The following TNFSF12 variants were observed in gnomAD, a reference collection of about 807,000 sequenced individuals.
TNFSF12 encodes TNF superfamily member 12.
A neutral mutation model predicts 31.2 loss-of-function variants in TNFSF12; 16 were observed. That is an observed-to-expected ratio of 0.51 (90% CI 0.35 to 0.78). TNFSF12 has a LOEUF of 0.78. TNFSF12 is among the 30% of genes least tolerant of loss of function. The probability of loss-of-function intolerance (pLI) is 0.01; values close to 1 mark genes in which losing one functional copy is unlikely to be tolerated. For missense variants in TNFSF12, 324 were observed against 338.8 expected (o/e 0.96, Z 0.34); for synonymous variants, 150 against 151.4 (o/e 0.99, Z 0.07).
At position 7,557,611 on chromosome 17, in the gene TNFSF12, C is replaced by A. The variant is rs1037023254; in HGVS notation, c.*261C>A. ...GACCCTTTGAGGCCCCCAGTGATCT[C>A]GACTCCCCCCTGGCCACAGACCCCC... On this transcript the variant is annotated 3_prime_UTR_variant, in exon 7 of 7. Transcript: ENST00000293825. The surrounding 1 kb of genome is among the most constrained non-coding windows in gnomAD (Gnocchi z 5.2). 1.2e-5 allele frequency: 6 copies of A among 489,740 alleles called. No individual in the cohort carries two copies. The highest frequency in any genetic ancestry group is 2.2e-5 in the Non-Finnish European group (6 of 278,766). The allele number at this position is 489,740 out of a possible 1,614,324, so 30.3% of individuals were successfully genotyped here.
chr17:7,553,694 C>T (rs777552721), intron 5 of TNFSF12: 18 of 1,301,106 alleles, frequency 1.4e-5, no homozygotes, highest in Non-Finnish European at 1.6e-5. Context: ...GCATGAAAGG[C>T]GAGGTGGCTG....
At position 7,550,542 on chromosome 17, in the gene TNFSF12, C is replaced by T. The variant is rs1289468858; in HGVS notation, c.284-257C>T. Among the ~76,000 whole-genome samples the T allele has an allele frequency of 6.6e-6, 1 of 151,404 alleles. No homozygotes were observed. Among genetic ancestry groups the T allele is most frequent in the Non-Finnish European group, 1.5e-5 (1 of 67,880 alleles). On this transcript the variant is annotated intron_variant, in intron 3 of 6. Coordinates refer to ENST00000293825, the MANE Select transcript of TNFSF12 (RefSeq NM_003809.3). The surrounding 1 kb of genome is among the most constrained non-coding windows in gnomAD (Gnocchi z 4.4). ...ATGACCACGTGTCCAAGTCGGCATG[C>T]AGTTGTCCTGGCCCCCACCTGTTAT...
rs756671729 is a variant in TNFSF12 at position 7,549,262 on chromosome 17, C to T, written c.109C>T (p.Leu37Phe). The change falls in exon 1 of 7, where the codon CTC becomes TTC. Residue 37 changes from leucine (L) to phenylalanine (F), a missense_variant. Physicochemically the swap from Leu to Phe is conservative, Grantham distance 22. Coordinates refer to ENST00000293825, the MANE Select transcript of TNFSF12 (RefSeq NM_003809.3). This position sits in a 1 kb window ranked among gnomAD's most constrained non-coding sequence, Gnocchi z 4.1. ...GLGLALACLGLLLAVVSLGSR... is the reference protein window; with the variant it reads ...GLGLALACLGFLLAVVSLGSR... ...GGGCCTGGCGCTGGCCTGCCTCGGC[C>T]TCCTGCTGGCCGTGGTCAGTTTGGG... The T allele has an allele frequency of 1.3e-5, 18 of 1,399,868 alleles. No homozygotes were observed. In the African/African-American group the frequency reaches 2.0e-4, roughly 15 times the overall value. The allele number at this position is 1,399,868 out of a possible 1,614,324, so 86.7% of individuals were successfully genotyped here. A position where few individuals can be genotyped will look rare whatever the true frequency, so the allele number is the denominator to read the frequency against.
Position 7,550,001 on chromosome 17 carries a change from G to T in TNFSF12, c.208-119G>T, listed in dbSNP as rs1406113456. 1.3e-6 allele frequency: 2 copies of T among 1,525,636 alleles called. No individual in the cohort carries two copies. The highest frequency in any genetic ancestry group is 2.0e-4 in the Middle Eastern group (1 of 5,090). The allele number at this position is 1,525,636 out of a possible 1,614,324, so 94.5% of individuals were successfully genotyped here. A position where few individuals can be genotyped will look rare whatever the true frequency, so the allele number is the denominator to read the frequency against. ...GGCCCCAGCTGTAGTTGGCTGAGGG[G>T]CTTAATCTGTCCCTGACTTCTGTGT... is the stretch of plus-strand genomic sequence containing the variant. On this transcript the variant is annotated intron_variant, in intron 2 of 6. Transcript: ENST00000293825. The surrounding 1 kb of genome is among the most constrained non-coding windows in gnomAD (Gnocchi z 4.4).
At position 7,550,137 on chromosome 17, in the gene TNFSF12, A is replaced by G; in HGVS notation, c.225A>G (p.Thr75=). 1 of 1,614,106 alleles carries G rather than the reference A, an allele frequency of 6.2e-7. No homozygotes were observed. Among genetic ancestry groups the G allele is most frequent in the East Asian group, 2.2e-5 (1 of 44,882 alleles). ...TCCCCTAGGAACTGAATCCCCAGACAGAAGAAAGCCAGGATCCTGCGCCTT... is the reference window on the plus strand; with the variant it reads ...TCCCCTAGGAACTGAATCCCCAGACGGAAGAAAGCCAGGATCCTGCGCCTT... ...DQDPSELNPQ[T]EESQDPAPFL... is the part of the protein sequence containing the mutation. The change falls in exon 3 of 7, where the codon ACA becomes ACG. Residue 75 remains threonine, a synonymous_variant. Coordinates refer to ENST00000293825, the MANE Select transcript of TNFSF12 (RefSeq NM_003809.3). The surrounding 1 kb of genome is among the most constrained non-coding windows in gnomAD (Gnocchi z 4.4).
chr17:7,550,474 C>T lies in TNFSF12; in HGVS notation c.283+279C>T, dbSNP rs757605591. Among the ~76,000 whole-genome samples the T allele has an allele frequency of 2.2e-4, 34 of 151,932 alleles. No homozygotes were observed. The highest frequency in any genetic ancestry group is 6.0e-4 in the African/African-American group (25 of 41,368). On this transcript the variant is annotated intron_variant, in intron 3 of 6. Coordinates refer to ENST00000293825, the MANE Select transcript of TNFSF12 (RefSeq NM_003809.3). The surrounding 1 kb of genome is among the most constrained non-coding windows in gnomAD (Gnocchi z 4.4). ...GCCTGGCAGTCAGAGGCCTGGGCCC[C>T]GGTAGGCAAAGAGACTTAGGAATGG...
rs1260707620 is a variant in TNFSF12, at chr17:7,550,706, C to T, written c.284-93C>T. 2.0e-5 allele frequency: 30 copies of T among 1,534,392 alleles called. No individual in the cohort carries two copies. The highest frequency in any genetic ancestry group is 2.5e-5 in the Non-Finnish European group (28 of 1,129,952). On this transcript the variant is annotated intron_variant, in intron 3 of 6. Transcript: ENST00000293825. The surrounding 1 kb of genome is among the most constrained non-coding windows in gnomAD (Gnocchi z 4.4). Reference sequence around the variant, plus strand: ...AGGAGTCTGGACAAGAATAAGGATGCCAGGGTTCCTGAGAGGGGAATGGGG... The same window carrying T: ...AGGAGTCTGGACAAGAATAAGGATGTCAGGGTTCCTGAGAGGGGAATGGGG...
chr17:7,554,269 G>A (rs2150906934), intron 5 of TNFSF12, among the ~76,000 whole-genome samples: 1 of 151,574 alleles, frequency 6.6e-6, no homozygotes, highest in African/African-American at 2.4e-5. Context: ...GTTTGCTAGG[G>A]GCCAGGCTAG....
chr17:7,553,650 C>T (rs1056454066), intron 5 of TNFSF12: 9 of 1,304,038 alleles, frequency 6.9e-6, no homozygotes, highest in Admixed American at 6.9e-5. Context: ...GATTTGAACC[C>T]AGCTAGAATG....
At position 7,550,859 on chromosome 17, in the gene TNFSF12, G is replaced by A; in HGVS notation, c.337+7G>A. On this transcript the variant is annotated splice_region_variant and intron_variant, in intron 4 of 6. Transcript: ENST00000293825. This position sits in a 1 kb window ranked among gnomAD's most constrained non-coding sequence, Gnocchi z 4.4. Reference sequence around the variant, plus strand: ...ATCGCAGCCCATTATGAAGGTGGGTGATGGGTGAGCCATACCCAGGAGGAG... The same window carrying A: ...ATCGCAGCCCATTATGAAGGTGGGTAATGGGTGAGCCATACCCAGGAGGAG... 3 of 1,613,196 alleles carry A rather than the reference G, an allele frequency of 1.9e-6. No homozygotes were observed. The highest frequency in any genetic ancestry group is 1.7e-4 in the Middle Eastern group (1 of 6,056).
intron 5 of TNFSF12, among the ~76,000 whole-genome samples, chr17:7,556,369 T>C (rs2071066207): frequency 6.6e-6 from 1 of 152,228 alleles, no homozygotes; most frequent in Non-Finnish European, 1.5e-5. Flanking sequence ...ATTATATGGA[T>C]AGACATTTTG....
chr17:7,549,258 C>T lies in TNFSF12; in HGVS notation c.105C>T (p.Leu35=), dbSNP rs908438555. 1.1e-5 allele frequency: 15 copies of T among 1,398,530 alleles called. No homozygotes were observed. Among genetic ancestry groups the T allele is most frequent in the South Asian group, 1.6e-5 (1 of 63,618 alleles). 86.6% of individuals were successfully genotyped at this position (1,398,530 alleles called of 1,614,324 possible). The change falls in exon 1 of 7, where the codon CTC becomes CTT. Residue 35 remains leucine (L), a synonymous_variant. Coordinates refer to ENST00000293825, the MANE Select transcript of TNFSF12 (RefSeq NM_003809.3). This position sits in a 1 kb window ranked among gnomAD's most constrained non-coding sequence, Gnocchi z 4.1. ...ALGLGLALAC[L]GLLLAVVSLG... is the part of the protein sequence containing the mutation. ...GCCTGGGCCTGGCGCTGGCCTGCCT[C>T]GGCCTCCTGCTGGCCGTGGTCAGTT...
At chr17:7,555,079 G>A (rs927794928) in intron 5 of TNFSF12, among the ~76,000 whole-genome samples, 54 of 151,906 alleles carry the variant, frequency 3.6e-4, no homozygotes, top group Non-Finnish European at 5.9e-4. Context: ...CCCGGGAGGC[G>A]GAGGCTGCAG....
chr17:7,553,223 A>G (rs1026125054), intron 5 of TNFSF12, among the ~76,000 whole-genome samples: 4 of 151,314 alleles, frequency 2.6e-5, no homozygotes, highest in African/African-American at 9.8e-5. Context: ...CTAATTTTGT[A>G]TTTTTAGTAG....
chr17:7,556,534 C>A (rs1282630162), intron 5 of TNFSF12, among the ~76,000 whole-genome samples: 2 of 152,200 alleles, frequency 1.3e-5, no homozygotes, highest in African/African-American at 4.8e-5. Context: ...CTACTCTTCT[C>A]CCCAGAAGTG....
chr17:7,549,098 G>T lies in TNFSF12; in HGVS notation c.-56G>T. ...TCCGCCCGCCGGCTCCCCCTCCCCC[G>T]ATCCCTCGGGTCCCGGGATGGGGGG... On this transcript the variant is annotated 5_prime_UTR_variant, in exon 1 of 7. Coordinates refer to ENST00000293825, the MANE Select transcript of TNFSF12 (RefSeq NM_003809.3). This position sits in a 1 kb window ranked among gnomAD's most constrained non-coding sequence, Gnocchi z 4.1. The T allele has an allele frequency of 9.6e-7, 1 of 1,045,830 alleles. No individual in the cohort carries two copies. Among genetic ancestry groups the T allele is most frequent in the Non-Finnish European group, 1.1e-6 (1 of 870,588 alleles). 64.8% of individuals were successfully genotyped at this position (1,045,830 alleles called of 1,614,324 possible). A position where few individuals can be genotyped will look rare whatever the true frequency, so the allele number is the denominator to read the frequency against.
chr17:7,554,769 C>T (rs1462498894), intron 5 of TNFSF12, among the ~76,000 whole-genome samples: 1 of 132,858 alleles, frequency 7.5e-6, no homozygotes, highest in Admixed American at 7.6e-5. Context: ...CGCCTGCCAC[C>T]ACGCCTGGCT....
Position 7,550,799 on chromosome 17 carries a change from C to A in TNFSF12, c.284C>A (p.Ala95Glu), listed in dbSNP as rs1187061850. The change falls in exon 4 of 7, where the codon GCA becomes GAA. Residue 95 changes from alanine to glutamate, a missense_variant and splice_region_variant. By Grantham distance (107) the Ala-to-Glu change is moderately radical. Transcript: ENST00000293825. This position sits in a 1 kb window ranked among gnomAD's most constrained non-coding sequence, Gnocchi z 4.4. ...TCATCTGTCTTTCCTTGATCCTCAG[C>A]ACCTAAAGGCCGGAAAACACGGGCT... ...LNRLVRPRRSAPKGRKTRARR... is the reference protein window; with the variant it reads ...LNRLVRPRRSEPKGRKTRARR... 2.5e-6 allele frequency: 4 copies of A among 1,609,772 alleles called. No individual in the cohort carries two copies. In the Admixed American group the frequency reaches 5.0e-5, roughly 20 times the overall value.
rs1390303105 is a variant in TNFSF12, at chr17:7,549,511, A to G, written c.197A>G (p.Gln66Arg). 3.2e-6 allele frequency: 5 copies of G among 1,553,122 alleles called. No individual in the cohort carries two copies. In the East Asian group the frequency reaches 1.2e-4, roughly 37 times the overall value. The change falls in exon 2 of 7, where the codon CAG becomes CGG. Residue 66 changes from glutamine (Q) to arginine (R), a missense_variant. Transcript: ENST00000293825. The surrounding 1 kb of genome is among the most constrained non-coding windows in gnomAD (Gnocchi z 4.1). ...GAGGAGCTGGTGGCAGAGGAGGACCAGGACCCGTCGGTGAGTGGGCGTGGG... is the reference window on the plus strand; with the variant it reads ...GAGGAGCTGGTGGCAGAGGAGGACCGGGACCCGTCGGTGAGTGGGCGTGGG... ...AQEELVAEED[Q>R]DPSELNPQTE...
Sources: gnomAD v4.1 joint callset for allele counts (sites outside exome capture counted in the v4.1 genomes callset) on GRCh38, gnomAD v4.1.1 for gene constraint, Gnocchi (gnomAD v3.1) non-coding constraint, MANE v1.5 for transcripts, NCBI Gene and HGNC (gene_info 2026-07-23, HGNC 2026-07-21) for gene names.